Variants in RELN observed in about 807,000 individuals in gnomAD.
The protein encoded by RELN is reelin.
A neutral mutation model predicts 427.6 loss-of-function variants in RELN; 108 were observed. The ratio of observed to expected loss-of-function variants is 0.25; its 90% CI spans 0.22 to 0.30. The LOEUF is 0.30. Ranked by LOEUF, RELN falls within the 10% of genes least tolerant of loss-of-function variation. RELN has a pLI of 1.00. For missense variants in RELN, 3,715 were observed against 4,302.8 expected (o/e 0.86, Z 3.82); for synonymous variants, 1,524 against 1,513.4 (o/e 1.01, Z -0.16).
chr7:103,849,254 T>C (rs766974303), intron 2 of RELN, among the ~76,000 whole-genome samples: 1 of 152,236 alleles, frequency 6.6e-6, no homozygotes, highest in African/African-American at 2.4e-5. Flanking sequence ...GGAGTCATTA[T>C]TGATTACTTT....
chr7:103,704,978 G>A (rs1189778009), intron 8 of RELN, among the ~76,000 whole-genome samples: 4 of 152,124 alleles, frequency 2.6e-5, no homozygotes, highest in African/African-American at 7.2e-5. Flanking sequence ...AGGCTGATCC[G>A]ATATTTCTGG....
At chr7:103,935,456 C>A (rs1795960592) in intron 1 of RELN, among the ~76,000 whole-genome samples, 1 of 151,824 alleles carries the variant, frequency 6.6e-6, no homozygotes, top group Non-Finnish European at 1.5e-5. Context: ...ACTGGAAATT[C>A]CTTCTTGTCT....
chr7:103,553,629 G>A (rs867640653), intron 39 of RELN, 31 bp downstream of exon 39: 2 of 1,613,120 alleles, frequency 1.2e-6, no homozygotes, highest in Middle Eastern at 1.7e-4. Context: ...GTATACAGCA[G>A]TGGTTTTATT....
chr7:103,533,344 G>C (rs1225213032), intron 46 of RELN, among the ~76,000 whole-genome samples: 1 of 152,204 alleles, frequency 6.6e-6, no homozygotes, highest in Non-Finnish European at 1.5e-5. Context: ...CCAGATAACA[G>C]AGACAGCGAT....
At chr7:103,833,825 C>T (rs1793333079) in intron 2 of RELN, among the ~76,000 whole-genome samples, 153 bp from the exon 3 acceptor site, 1 of 152,132 alleles carries the variant, frequency 6.6e-6, no homozygotes, top group Non-Finnish European at 1.5e-5. Context: ...CTTTTTATTG[C>T]TACAGGGAAA....
At position 103,726,543 on chromosome 7, in the gene RELN, A is replaced by G. The variant is rs574912456; in HGVS notation, c.753+1568T>C. On this transcript the variant is annotated intron_variant, in intron 7 of 64. Coordinates refer to ENST00000428762, the MANE Select transcript of RELN (RefSeq NM_005045.4). Reference sequence around the variant, plus strand: ...TCTAATGCTAAATAAACGGGGATATAGTGAAACAATCAGGACTAAACATAC... The same window carrying G: ...TCTAATGCTAAATAAACGGGGATATGGTGAAACAATCAGGACTAAACATAC... 2.1e-4 allele frequency among the ~76,000 whole-genome samples: 32 copies of G among 152,314 alleles called. No individual in the cohort carries two copies. In the South Asian group the frequency reaches 6.4e-3, roughly 31 times the overall value.
chr7:103,949,038 A>AAAAC (rs1796279264), intron 1 of RELN, among the ~76,000 whole-genome samples: 1 of 129,322 alleles, frequency 7.7e-6, no homozygotes, highest in African/African-American at 2.8e-5. Context: ...AAAAAAAAAA[A>AAAAC]AAAAAAAAAC....
At chr7:103,925,214 C>G (rs1795705756) in intron 1 of RELN, among the ~76,000 whole-genome samples, 1 of 151,992 alleles carries the variant, frequency 6.6e-6, no homozygotes, top group African/African-American at 2.4e-5. Context: ...ATAAAAATTC[C>G]TAAATAGTAA....
chr7:103,968,387 G>A lies in RELN; in HGVS notation c.226+20744C>T, dbSNP rs528881880. Among the ~76,000 whole-genome samples the A allele has an allele frequency of 6.6e-6, 1 of 152,210 alleles. No individual in the cohort carries two copies. The highest frequency in any genetic ancestry group is 1.9e-4 in the East Asian group (1 of 5,186). On this transcript the variant is annotated intron_variant, in intron 1 of 64. Transcript: ENST00000428762. This position sits in a 1 kb window ranked among gnomAD's most constrained non-coding sequence, Gnocchi z 4.3. Reference sequence around the variant, plus strand: ...TAGATTATCTCAGAGATGCTGCCTGGAACACCAAGTGCCCTTTCATCAGTT... The same window carrying A: ...TAGATTATCTCAGAGATGCTGCCTGAAACACCAAGTGCCCTTTCATCAGTT...
chr7:103,536,857 T>G (rs1325994004), intron 45 of RELN, among the ~76,000 whole-genome samples: 1 of 152,180 alleles, frequency 6.6e-6, no homozygotes, highest in Non-Finnish European at 1.5e-5. Context: ...AAAATAGAGT[T>G]GTGTCTACGG....
chr7:103,490,035 G>A, intron 59 of RELN, 136 bp from the exon 60 acceptor site: 1 of 966,478 alleles, frequency 1.0e-6, no homozygotes, highest in Non-Finnish European at 1.6e-6. Flanking sequence ...CACCCTGCTG[G>A]CAGAGGTGAG....
chr7:103,593,674 A>G lies in RELN; in HGVS notation c.3912+8T>C, dbSNP rs1443205651. 6.2e-7 allele frequency: 1 copy of G among 1,610,516 alleles called. No homozygotes were observed. Among genetic ancestry groups the G allele is most frequent in the Admixed American group, 1.7e-5 (1 of 60,010 alleles). ...ACTTGCTCTGGGAAGAAGCTTGTGC[A>G]TAAATACCTTGAACTGTAGCACATA... is the stretch of plus-strand genomic sequence containing the variant. On this transcript the variant is annotated splice_region_variant and intron_variant, in intron 27 of 64. Coordinates refer to ENST00000428762, the MANE Select transcript of RELN (RefSeq NM_005045.4).
intron 2 of RELN, among the ~76,000 whole-genome samples, chr7:103,864,911 T>C (rs1391880771): frequency 3.9e-5 from 6 of 151,944 alleles, no homozygotes; most frequent in Non-Finnish European, 7.4e-5. Context: ...TGAACAATTA[T>C]ACACCAACAC....
At chr7:103,651,500 A>C (rs1410765048) in intron 15 of RELN, among the ~76,000 whole-genome samples, 161 bp downstream of exon 15, 2 of 152,104 alleles carry the variant, frequency 1.3e-5, no homozygotes, top group Non-Finnish European at 2.9e-5. Context: ...CCAGTTTACC[A>C]AAGATACTAT....
intron 3 of RELN, among the ~76,000 whole-genome samples, chr7:103,790,854 CGGGAGGCTG>C (rs1328097583): frequency 1.3e-4 from 19 of 151,854 alleles, no homozygotes; most frequent in Non-Finnish European, 8.8e-5. Context: ...CCCAGATACT[CGGGAGGCTG>C]AGGCAGAAGA....
chr7:103,585,203 G>C (rs537557706), intron 28 of RELN, among the ~76,000 whole-genome samples: 11 of 151,876 alleles, frequency 7.2e-5, no homozygotes, highest in Admixed American at 5.9e-4. Flanking sequence ...AAATAACAAA[G>C]ATCAAAGCAG....
intron 57 of RELN, 143 bp from the exon 58 acceptor site, chr7:103,492,169 A>C: frequency 1.4e-6 from 1 of 708,446 alleles, no homozygotes; most frequent in Admixed American, 2.1e-5. Flanking sequence ...GGATACCAAG[A>C]ATACATTCTT....
chr7:103,840,437 C>T (rs1463861133), intron 2 of RELN, among the ~76,000 whole-genome samples: 2 of 152,228 alleles, frequency 1.3e-5, no homozygotes, highest in Non-Finnish European at 2.9e-5. Context: ...TGTCAGGACA[C>T]CCCCTCTCAA....
At chr7:103,973,914 G>A (rs1049944453) in intron 1 of RELN, among the ~76,000 whole-genome samples, 2 of 152,196 alleles carry the variant, frequency 1.3e-5, no homozygotes, top group East Asian at 1.9e-4. Context: ...ACGCCAAGGC[G>A]GGTGGATCAC....
Sources: gnomAD v4.1 joint callset for allele counts (sites outside exome capture counted in the v4.1 genomes callset) on GRCh38, gnomAD v4.1.1 for gene constraint, Gnocchi (gnomAD v3.1) non-coding constraint, MANE v1.5 for transcripts, NCBI Gene and HGNC (gene_info 2026-07-23, HGNC 2026-07-21) for gene names.